Variants in NBEA observed in about 807,000 individuals in gnomAD.
NBEA encodes the protein lysosomal-trafficking regulator 2.
NBEA carries 44 observed loss-of-function variants against 343.4 expected under a neutral mutation model. The observed-to-expected ratio is 0.13, with a 90% CI of 0.10 to 0.16. The LOEUF is 0.16. Among genes scored for constraint, NBEA ranks in the 10% least tolerant of loss-of-function variants. NBEA has a pLI of 1.00. For missense variants in NBEA, 2,555 were observed against 3,631.3 expected (o/e 0.70, Z 7.62); for synonymous variants, 1,175 against 1,238.7 (o/e 0.95, Z 1.08).
chr13:35,440,353 C>A (rs1468056662), intron 39 of NBEA, among the ~76,000 whole-genome samples: 1 of 152,114 alleles, frequency 6.6e-6, no homozygotes, highest in African/African-American at 2.4e-5. Context: ...AATCTTGCTT[C>A]TTTTAGACTA....
intron 36 of NBEA, among the ~76,000 whole-genome samples, chr13:35,318,859 A>G (rs952272024): frequency 3.3e-5 from 5 of 152,134 alleles, no homozygotes; most frequent in Admixed American, 1.3e-4. Context: ...GAATTTATCC[A>G]TTTCTTCTAG....
At chr13:35,326,296 T>C (rs1236036373) in intron 36 of NBEA, among the ~76,000 whole-genome samples, 4 of 152,124 alleles carry the variant, frequency 2.6e-5, no homozygotes, top group Admixed American at 2.0e-4. Flanking sequence ...TTTGTTTGTG[T>C]CATCTATGAT....
intron 34 of NBEA, among the ~76,000 whole-genome samples, chr13:35,264,966 A>G (rs927633345): frequency 1.3e-5 from 2 of 151,980 alleles, no homozygotes; most frequent in Non-Finnish European, 1.5e-5. Context: ...TGCAGATGAC[A>G]TGATCTTATA....
chr13:34,978,422 C>T (rs2060250694), intron 1 of NBEA, among the ~76,000 whole-genome samples: 1 of 152,062 alleles, frequency 6.6e-6, no homozygotes, highest in Admixed American at 6.6e-5. Context: ...TTTTCTGGAT[C>T]CGTTTAAACC....
chr13:35,286,545 T>C (rs1374870608), intron 34 of NBEA, among the ~76,000 whole-genome samples: 1 of 152,142 alleles, frequency 6.6e-6, no homozygotes, highest in African/African-American at 2.4e-5. Flanking sequence ...AACGGTATTT[T>C]AAAGCTTTAG....
intron 47 of NBEA, among the ~76,000 whole-genome samples, chr13:35,596,152 T>C (rs1027621272): frequency 6.6e-6 from 1 of 151,794 alleles, no homozygotes; most frequent in Non-Finnish European, 1.5e-5. Context: ...ATATTTATAT[T>C]CCCCTCTATA....
intron 48 of NBEA, among the ~76,000 whole-genome samples, chr13:35,608,511 T>C (rs1403013589): frequency 8.5e-5 from 13 of 152,194 alleles, no homozygotes; most frequent in Admixed American, 8.5e-4. Flanking sequence ...TGTATATCAA[T>C]ATCTCTCAGT....
chr13:35,465,775 G>C (rs2075363083), intron 40 of NBEA, among the ~76,000 whole-genome samples: 1 of 150,678 alleles, frequency 6.6e-6, no homozygotes, highest in South Asian at 2.1e-4. Context: ...TGCTTTGTAA[G>C]CTTTTTCTTC....
intron 55 of NBEA, among the ~76,000 whole-genome samples, chr13:35,664,214 T>C (rs969437629): frequency 2.6e-5 from 4 of 152,154 alleles, no homozygotes; most frequent in Non-Finnish European, 5.9e-5. Flanking sequence ...CTGCCAGCCC[T>C]GGAACATTTA....
chr13:35,370,544 T>C (rs1466450452), intron 38 of NBEA, among the ~76,000 whole-genome samples: 1 of 152,104 alleles, frequency 6.6e-6, no homozygotes, highest in African/African-American at 2.4e-5. Context: ...AAGGTTGTTA[T>C]TGATACATGA....
chr13:35,664,287 G>T (rs1479160308), intron 55 of NBEA, among the ~76,000 whole-genome samples: 1 of 152,152 alleles, frequency 6.6e-6, no homozygotes, highest in Non-Finnish European at 1.5e-5. Flanking sequence ...GGAAAGAGGG[G>T]CACCAAGACC....
chr13:35,377,102 AG>A (rs1441088976), intron 38 of NBEA, among the ~76,000 whole-genome samples: 1 of 152,212 alleles, frequency 6.6e-6, no homozygotes, highest in African/African-American at 2.4e-5. Context: ...ATTTGATGAT[AG>A]GTTGGTTAGT....
chr13:35,211,564 C>T (rs1051234701), intron 33 of NBEA, among the ~76,000 whole-genome samples: 49 of 152,082 alleles, frequency 3.2e-4, no homozygotes, highest in African/African-American at 1.1e-3. Context: ...CCTGTAATCC[C>T]AGCACTTTGG....
chr13:35,119,278 G>T (rs1446702048), intron 16 of NBEA, among the ~76,000 whole-genome samples: 2 of 152,108 alleles, frequency 1.3e-5, no homozygotes, highest in Non-Finnish European at 2.9e-5. Flanking sequence ...GGATGAGCAG[G>T]ATATCGAGGT....
chr13:35,402,462 T>C (rs376029606), intron 38 of NBEA, among the ~76,000 whole-genome samples: 9 of 152,052 alleles, frequency 5.9e-5, no homozygotes, highest in African/African-American at 2.2e-4. Flanking sequence ...ATTATTATAA[T>C]ACTCTTAATG....
intron 34 of NBEA, among the ~76,000 whole-genome samples, chr13:35,277,959 T>A (rs1330772842): frequency 6.6e-6 from 1 of 151,478 alleles, no homozygotes; most frequent in Non-Finnish European, 1.5e-5. Context: ...TGGTGGCACA[T>A]GCCTATAGTC....
chr13:35,479,439 G>A (rs1272653827), intron 41 of NBEA, among the ~76,000 whole-genome samples: 1 of 152,156 alleles, frequency 6.6e-6, no homozygotes, highest in East Asian at 1.9e-4. Context: ...TTGTTGAAGC[G>A]AGAATTAAGC....
At chr13:35,254,972 G>A (rs1329178508) in intron 34 of NBEA, among the ~76,000 whole-genome samples, 3 of 151,722 alleles carry the variant, frequency 2.0e-5, no homozygotes, top group African/African-American at 7.3e-5. Flanking sequence ...CAATTTAATG[G>A]GAATAATACA....
At chr13:35,074,722 CATG>C (rs1383430962) in intron 10 of NBEA, among the ~76,000 whole-genome samples, 2 of 152,076 alleles carry the variant, frequency 1.3e-5, no homozygotes, top group South Asian at 2.1e-4. Context: ...AGGTATACAA[CATG>C]ATGTTATGGG....
Sources: allele counts gnomAD v4.1 joint callset (sites outside exome capture counted in the v4.1 genomes callset), GRCh38; gene constraint gnomAD v4.1.1; transcripts MANE v1.5; gene names NCBI Gene and HGNC (gene_info 2026-07-23, HGNC 2026-07-21).